The following ADGRB3 variants were observed in gnomAD, a reference collection of about 807,000 sequenced individuals.
ADGRB3 encodes brain-specific angiogenesis inhibitor 3.
ADGRB3 carries 37 observed loss-of-function variants against 193.4 expected under a neutral mutation model. That is an observed-to-expected ratio of 0.19 (90% confidence interval 0.15 to 0.25). The LOEUF is 0.25. Among genes scored for constraint, ADGRB3 ranks in the 10% least tolerant of loss-of-function variants. The pLI is 1.00. For synonymous variants in ADGRB3, 690 were observed against 644.2 expected, an observed-to-expected ratio of 1.07 and a Z score of -1.08; for missense variants, 1,637 against 1,852.9, an observed-to-expected ratio of 0.88 and a Z score of 2.14.
chr6:68,774,832 C>A (rs1766707145), intron 3 of ADGRB3, among the ~76,000 whole-genome samples: 1 of 151,918 alleles, frequency 6.6e-6, no homozygotes, highest in South Asian at 2.1e-4. Flanking sequence ...ATAAGTCTAT[C>A]ACAGAAATAA....
At chr6:68,873,437 C>T (rs1765512406) in intron 3 of ADGRB3, among the ~76,000 whole-genome samples, 1 of 152,000 alleles carries the variant, frequency 6.6e-6, no homozygotes, top group African/African-American at 2.4e-5. Flanking sequence ...CCATTAATCC[C>T]TGGGGAAGAA....
chr6:68,866,257 C>T (rs150816749), intron 3 of ADGRB3, among the ~76,000 whole-genome samples: 121 of 152,240 alleles, frequency 7.9e-4, no homozygotes, highest in African/African-American at 2.5e-3. Context: ...CTCCTGTTCT[C>T]ATGATAGTGA....
intron 3 of ADGRB3, among the ~76,000 whole-genome samples, chr6:68,690,915 G>A (rs755663941): frequency 3.3e-5 from 5 of 152,040 alleles, no homozygotes; most frequent in Non-Finnish European, 5.9e-5. Context: ...GAAAGGAAAA[G>A]ACTATACAAA....
At chr6:68,910,433 G>C (rs12178503) in intron 3 of ADGRB3, among the ~76,000 whole-genome samples, 3,003 of 151,054 alleles carry the variant, frequency 0.02, 76 homozygotes, top group African/African-American at 0.061. Flanking sequence ...TGTCAATTTT[G>C]GCTTTTGTTG....
chr6:68,887,076 C>T (rs1049988027), intron 3 of ADGRB3, among the ~76,000 whole-genome samples: 52 of 151,156 alleles, frequency 3.4e-4, no homozygotes, highest in African/African-American at 9.2e-4. Flanking sequence ...TATATACACA[C>T]ACACACACAC....
chr6:69,297,145 A>C (rs539520471), intron 20 of ADGRB3, among the ~76,000 whole-genome samples: 1 of 152,184 alleles, frequency 6.6e-6, no homozygotes, highest in Admixed American at 6.6e-5. Flanking sequence ...TGGTGCTATG[A>C]GTTTCATCAT....
chr6:69,278,387 C>G (rs1233142949), intron 20 of ADGRB3, among the ~76,000 whole-genome samples: 1 of 152,168 alleles, frequency 6.6e-6, no homozygotes. Flanking sequence ...CTGATAACTC[C>G]TTATGATGCG....
At chr6:69,232,337 T>A in intron 17 of ADGRB3, 6 of 1,193,582 alleles carry the variant, frequency 5.0e-6, no homozygotes, top group Non-Finnish European at 5.5e-6. Context: ...TTCTCCCCCA[T>A]CCCCCCCACC....
chr6:68,815,347 G>T (rs112275818), intron 3 of ADGRB3, among the ~76,000 whole-genome samples: 20 of 152,162 alleles, frequency 1.3e-4, no homozygotes, highest in African/African-American at 4.3e-4. Context: ...CTTATATAAG[G>T]TAATTACAGT....
chr6:69,246,067 T>C (rs1766493153), intron 20 of ADGRB3, among the ~76,000 whole-genome samples: 1 of 152,174 alleles, frequency 6.6e-6, no homozygotes, highest in Non-Finnish European at 1.5e-5. Flanking sequence ...TCTAAGTGAT[T>C]GATGGCATGC....
At chr6:69,121,341 G>A (rs904611817) in intron 17 of ADGRB3, among the ~76,000 whole-genome samples, 7 of 152,138 alleles carry the variant, frequency 4.6e-5, no homozygotes, top group African/African-American at 1.2e-4. Context: ...ATAGATTAAC[G>A]GCATCCCAAA....
chr6:68,732,588 C>T lies in ADGRB3; in HGVS notation c.757+93156C>T, dbSNP rs549755311. ...AGAAATGGTATGAAGAATTGGAAAA[C>T]GGAAGTTTGGGATGACTTTGCAGAG... is the stretch of plus-strand genomic sequence containing the variant. On this transcript the variant is annotated intron_variant, in intron 3 of 31. Transcript: ENST00000370598. Among the ~76,000 whole-genome samples, 57 of 151,882 alleles carry T rather than the reference C, an allele frequency of 3.8e-4. 1 individual carries two copies. In the South Asian group the frequency reaches 8.5e-3, roughly 23 times the overall value.
chr6:69,256,214 A>C (rs1766766468), intron 20 of ADGRB3, among the ~76,000 whole-genome samples: 2 of 151,390 alleles, frequency 1.3e-5, no homozygotes, highest in Admixed American at 1.3e-4. Context: ...ATGAACTTTA[A>C]AGTAGTTTTT....
At chr6:69,357,880 T>C (rs536999291) in intron 28 of ADGRB3, among the ~76,000 whole-genome samples, 47 of 152,064 alleles carry the variant, frequency 3.1e-4, no homozygotes, top group African/African-American at 1.1e-3. Flanking sequence ...CTTTTTTGGA[T>C]AATTGATATA....
intron 17 of ADGRB3, among the ~76,000 whole-genome samples, chr6:69,154,715 C>T (rs576990101): frequency 1.3e-5 from 2 of 152,300 alleles, no homozygotes; most frequent in South Asian, 4.1e-4. Context: ...AGATTTTCCC[C>T]TTCAACTTGA....
At chr6:69,057,508 G>GT (rs1447280014) in intron 15 of ADGRB3, among the ~76,000 whole-genome samples, 3 of 111,446 alleles carry the variant, frequency 2.7e-5, no homozygotes, top group African/African-American at 8.2e-5. Flanking sequence ...AACTTTCAGG[G>GT]TTTTTTTGTT....
At chr6:68,959,540 T>C (rs1768175488) in intron 8 of ADGRB3, among the ~76,000 whole-genome samples, 1 of 152,142 alleles carries the variant, frequency 6.6e-6, no homozygotes, top group Non-Finnish European at 1.5e-5. Flanking sequence ...GAAATATATA[T>C]GAACATCTTT....
intron 17 of ADGRB3, among the ~76,000 whole-genome samples, chr6:69,148,640 C>A (rs9454708): frequency 0.22 from 32,975 of 152,012 alleles, 3,852 homozygotes; most frequent in Middle Eastern, 0.25. Flanking sequence ...TTTGTACCTT[C>A]AGATGATTTC....
chr6:69,369,713 A>AG (rs1357479827), intron 29 of ADGRB3, among the ~76,000 whole-genome samples: 2 of 151,450 alleles, frequency 1.3e-5, no homozygotes, highest in Non-Finnish European at 2.9e-5. Flanking sequence ...AAAAAAAAAA[A>AG]AGAGAGAGCG....
Sources: gnomAD v4.1 joint callset for allele counts (sites outside exome capture counted in the v4.1 genomes callset) on GRCh38, gnomAD v4.1.1 for gene constraint, MANE v1.5 for transcripts, NCBI Gene and HGNC (gene_info 2026-07-23, HGNC 2026-07-21) for gene names.